Variants in PRKCE observed in about 807,000 individuals in gnomAD.
PRKCE encodes the protein protein kinase C epsilon type.
A neutral mutation model predicts 85.4 loss-of-function variants in PRKCE; 16 were observed. The ratio of observed to expected loss-of-function variants is 0.19; its 90% confidence interval spans 0.13 to 0.28. The LOEUF is 0.28. Ranked by LOEUF, PRKCE falls within the 10% of genes least tolerant of loss-of-function variation. The probability of loss-of-function intolerance (pLI) is 1.00; values close to 1 mark genes in which losing one functional copy is unlikely to be tolerated. For missense variants in PRKCE, 573 were observed against 975.2 expected, an observed-to-expected ratio of 0.59 and a Z score of 5.49; for synonymous variants, 388 against 371.5, an observed-to-expected ratio of 1.04 and a Z score of -0.51.
At chr2:46,087,797 A>G (rs912221910) in intron 11 of PRKCE, among the ~76,000 whole-genome samples, 25 of 152,232 alleles carry the variant, frequency 1.6e-4, no homozygotes, top group Non-Finnish European at 2.9e-4. Context: ...TCTGTTCTGC[A>G]GTTTGGGCTC....
At position 46,074,445 on chromosome 2, in the gene PRKCE, A is replaced by AG. The variant is rs1454016022; in HGVS notation, c.1438-11763_1438-11762insG. Among the ~76,000 whole-genome samples, 757 of 151,440 alleles carry AG rather than the reference A, an allele frequency of 5.0e-3. 4 individuals carry two copies. Among genetic ancestry groups the AG allele is most frequent in the Non-Finnish European group, 8.6e-3 (581 of 67,826 alleles). On this transcript the variant is annotated intron_variant, in intron 10 of 14. Transcript: ENST00000306156. Reference sequence around the variant, plus strand: ...AACAACAACCAAAAAAAAAAAAAAAAAAAGAAAAACACGGATAGAAAAAAC... The same window carrying AG: ...AACAACAACCAAAAAAAAAAAAAAAAGAAAGAAAAACACGGATAGAAAAAAC...
At position 46,093,181 on chromosome 2, in the gene PRKCE, T is replaced by A. The variant is rs953950957; in HGVS notation, c.1592+6819T>A. The stretch of plus-strand genomic sequence containing the variant: ...GGGCCGAGTCTCTAATGGAAGGAAA[T>A]CAGCTACCATGGCAGAAATGATGAG... On this transcript the variant is annotated intron_variant, in intron 11 of 14. Transcript: ENST00000306156. Among the ~76,000 whole-genome samples the A allele has an allele frequency of 3.9e-5, 6 of 152,240 alleles. No homozygotes were observed. In the East Asian group the frequency reaches 1.2e-3, roughly 29 times the overall value.
chr2:46,033,150 G>A (rs1034233279), intron 10 of PRKCE, among the ~76,000 whole-genome samples: 1 of 152,214 alleles, frequency 6.6e-6, no homozygotes, highest in Non-Finnish European at 1.5e-5. Flanking sequence ...TTTCTGGGAG[G>A]ATTAGAGAGG....
chr2:45,866,663 T>A (rs1401954762), intron 2 of PRKCE, among the ~76,000 whole-genome samples: 1 of 151,982 alleles, frequency 6.6e-6, no homozygotes, highest in Non-Finnish European at 1.5e-5. Context: ...TTAATCTGCG[T>A]TGTTCAGGAT....
At chr2:45,737,986 C>T (rs760589064) in intron 1 of PRKCE, among the ~76,000 whole-genome samples, 13 of 152,078 alleles carry the variant, frequency 8.5e-5, no homozygotes, top group Non-Finnish European at 1.6e-4. Flanking sequence ...TCCTTTTCCC[C>T]ATGTGCTCAA....
rs1440869567 is a variant in PRKCE at position 46,184,695 on chromosome 2, G to C, written c.2068-40G>C. ...CCCCATGGGGGGCCCTCAGGAGGGA[G>C]AGCAGCCTCAACTCACCACTTTCTC... On this transcript the variant is annotated intron_variant, in intron 14 of 14. Transcript: ENST00000306156. The surrounding 1 kb of genome is among the most constrained non-coding windows in gnomAD (Gnocchi z 5.0). The C allele has an allele frequency of 1.9e-6, 3 of 1,592,224 alleles. No homozygotes were observed. Among genetic ancestry groups the C allele is most frequent in the Admixed American group, 1.7e-5 (1 of 59,520 alleles).
intron 1 of PRKCE, among the ~76,000 whole-genome samples, chr2:45,783,428 A>G (rs1373809371): frequency 3.3e-5 from 5 of 152,210 alleles, no homozygotes; most frequent in Admixed American, 6.5e-5. Context: ...AGGAACAGGA[A>G]AAGCACCACT....
intron 10 of PRKCE, 73 bp from the exon 11 acceptor site, chr2:46,086,135 G>A (rs1669615569): frequency 2.7e-6 from 4 of 1,501,622 alleles, no homozygotes; most frequent in Non-Finnish European, 2.7e-6. Context: ...CTTACACTGA[G>A]CTCACACTAA....
rs1491498471 is a variant in PRKCE, at chr2:45,958,817, T to TATATATATATATATATA, written c.413-17612_413-17611insATATATATATATATATA. On this transcript the variant is annotated intron_variant, in intron 2 of 14. Coordinates refer to ENST00000306156, the MANE Select transcript of PRKCE (RefSeq NM_005400.3). ...ATATATATATATATATATATATATATTTTTTTTTTTTTTTTTTTTTTTTTT... is the reference window on the plus strand; with the variant it reads ...ATATATATATATATATATATATATATATATATATATATATATATTTTTTTTTTTTTTTTTTTTTTTTT... 8.1e-3 allele frequency among the ~76,000 whole-genome samples: 58 copies of TATATATATATATATATA among 7,192 alleles called. 1 individual carries two copies. The highest frequency in any genetic ancestry group is 0.017 in the East Asian group (2 of 120). 4.7% of individuals were successfully genotyped at this position (7,192 alleles called of 152,430 possible).
intron 14 of PRKCE, among the ~76,000 whole-genome samples, chr2:46,178,185 G>A (rs980488429): frequency 7.2e-5 from 11 of 152,286 alleles, no homozygotes; most frequent in South Asian, 2.1e-4. Flanking sequence ...GCTTGAACCC[G>A]GGAGGCGGAG....
rs59401094 is a variant in PRKCE at position 45,987,030 on chromosome 2, GTT to G, written c.823+2360_823+2361del. Among the ~76,000 whole-genome samples, 364 of 147,926 alleles carry G rather than the reference GTT, an allele frequency of 2.5e-3. 1 individual carries two copies. Among genetic ancestry groups the G allele is most frequent in the African/African-American group, 8.4e-3 (340 of 40,310 alleles). On this transcript the variant is annotated intron_variant, in intron 6 of 14. Transcript: ENST00000306156. ...AGGGAACCCTGATGAGCTGATGTCT[GTT>G]TTTTTTTTTGTAAATATATTAATTA...
chr2:45,864,932 T>C (rs1693464441), intron 2 of PRKCE, among the ~76,000 whole-genome samples: 1 of 152,216 alleles, frequency 6.6e-6, no homozygotes, highest in Non-Finnish European at 1.5e-5. Context: ...GGGCTCCACC[T>C]TCACAATTTC....
intron 10 of PRKCE, among the ~76,000 whole-genome samples, chr2:46,033,012 C>T (rs576639483): frequency 6.6e-6 from 1 of 152,228 alleles, no homozygotes; most frequent in East Asian, 1.9e-4. Flanking sequence ...GAACTGGAGC[C>T]ATCCAGTTGG....
chr2:45,767,773 G>C (rs897955278), intron 1 of PRKCE, among the ~76,000 whole-genome samples: 5 of 152,206 alleles, frequency 3.3e-5, no homozygotes, highest in Admixed American at 2.6e-4. Context: ...TTATTGGATG[G>C]TTTTACTGGA....
chr2:46,180,086 G>T (rs530836359), intron 14 of PRKCE, among the ~76,000 whole-genome samples: 1 of 152,318 alleles, frequency 6.6e-6, no homozygotes, highest in East Asian at 1.9e-4. Context: ...TAGATTAGTT[G>T]AAAAGAAGAG....
At chr2:46,012,698 T>C (rs1705788400) in intron 10 of PRKCE, among the ~76,000 whole-genome samples, 1 of 152,186 alleles carries the variant, frequency 6.6e-6, no homozygotes, top group Non-Finnish European at 1.5e-5. Flanking sequence ...TGGTGGATCA[T>C]GGGAAGCCAC....
chr2:45,954,523 CCTAT>C lies in PRKCE; in HGVS notation c.413-21902_413-21899del, dbSNP rs143691908. On this transcript the variant is annotated intron_variant, in intron 2 of 14. Coordinates refer to ENST00000306156, the MANE Select transcript of PRKCE (RefSeq NM_005400.3). The stretch of plus-strand genomic sequence containing the variant: ...AGGATTAAAAGACTAATTAAATTGG[CCTAT>C]CTAATTTAAACATAAGCATGCATGA... Among the ~76,000 whole-genome samples, 1,131 of 152,230 alleles carry C rather than the reference CCTAT, an allele frequency of 7.4e-3. 9 individuals are homozygous for C. The highest frequency in any genetic ancestry group is 0.026 in the African/African-American group (1,086 of 41,520).
intron 1 of PRKCE, among the ~76,000 whole-genome samples, chr2:45,819,313 C>T (rs1178180453): frequency 6.6e-6 from 1 of 152,212 alleles, no homozygotes; most frequent in African/African-American, 2.4e-5. Context: ...TGAGCCCAGG[C>T]AGTCTGGCTC....
At chr2:45,951,765 G>A (rs1018458186) in intron 2 of PRKCE, among the ~76,000 whole-genome samples, 4 of 152,220 alleles carry the variant, frequency 2.6e-5, no homozygotes, top group African/African-American at 7.2e-5. Context: ...ATCAAAGCAC[G>A]AGTGAGTGGT....
Sources: allele counts gnomAD v4.1 joint callset (sites outside exome capture counted in the v4.1 genomes callset), GRCh38; gene constraint gnomAD v4.1.1; non-coding constraint Gnocchi (gnomAD v3.1); transcripts MANE v1.5; gene names NCBI Gene and HGNC (gene_info 2026-07-23, HGNC 2026-07-21).